Variants in CFAP61 observed in about 807,000 individuals in gnomAD.
The protein encoded by CFAP61 is cilia- and flagella-associated protein 61.
A neutral mutation model predicts 135.6 loss-of-function variants in CFAP61; 107 were observed. That is an observed-to-expected ratio of 0.79 (90% CI 0.67 to 0.93). The LOEUF (loss-of-function observed/expected upper bound fraction) is 0.93. Among genes scored for constraint, CFAP61 ranks in the 40% least tolerant of loss-of-function variants. The pLI is 0.00. For synonymous variants in CFAP61, 575 were observed against 578.5 expected (o/e 0.99, Z 0.09); for missense variants, 1,507 against 1,556.2 (o/e 0.97, Z 0.53).
intron 2 of CFAP61, among the ~76,000 whole-genome samples, chr20:20,064,813 C>T (rs2045115127): frequency 6.6e-6 from 1 of 152,066 alleles, no homozygotes; most frequent in African/African-American, 2.4e-5. Flanking sequence ...CCACCCCCGT[C>T]AAAATCCTAA....
intron 1 of CFAP61, among the ~76,000 whole-genome samples, 191 bp from the exon 2 acceptor site, chr20:20,056,427 C>G (rs1568787223): frequency 6.6e-6 from 1 of 152,206 alleles, no homozygotes; most frequent in Non-Finnish European, 1.5e-5. Context: ...CAGGCCAGTT[C>G]TCAGAAACTT....
chr20:20,166,906 A>C (rs540589841), intron 12 of CFAP61, among the ~76,000 whole-genome samples: 54 of 152,302 alleles, frequency 3.5e-4, no homozygotes, highest in African/African-American at 1.3e-3. Flanking sequence ...CTCAACCCAC[A>C]TTGATGAATG....
At position 20,053,685 on chromosome 20, in the gene CFAP61, A is replaced by G. The variant is rs6046574; in HGVS notation, c.-37+1094A>G. Among the ~76,000 whole-genome samples, 330 of 152,146 alleles carry G rather than the reference A, an allele frequency of 2.2e-3. 1 individual carries two copies. The highest frequency in any genetic ancestry group is 7.6e-3 in the African/African-American group (315 of 41,584). ...CTGCAGTCAGTTATAACCAACATCAATGTATTTGCCATAACTCTTTATTAA... is the reference window on the plus strand; with the variant it reads ...CTGCAGTCAGTTATAACCAACATCAGTGTATTTGCCATAACTCTTTATTAA... On this transcript the variant is annotated intron_variant, in intron 1 of 26. Transcript: ENST00000245957.
intron 17 of CFAP61, among the ~76,000 whole-genome samples, chr20:20,208,947 G>A (rs1030671339): frequency 1.1e-4 from 16 of 152,294 alleles, no homozygotes; most frequent in African/African-American, 3.6e-4. Context: ...GGGTGGGGGG[G>A]CATGGGACTC....
intron 25 of CFAP61, among the ~76,000 whole-genome samples, chr20:20,339,609 A>C (rs2058361388): frequency 6.6e-6 from 1 of 152,022 alleles, no homozygotes; most frequent in Non-Finnish European, 1.5e-5. Context: ...AGCTGGGACC[A>C]CAGGCATATG....
chr20:20,099,777 T>A (rs1244574924), intron 8 of CFAP61, among the ~76,000 whole-genome samples: 1 of 152,174 alleles, frequency 6.6e-6, no homozygotes, highest in Non-Finnish European at 1.5e-5. Context: ...TACACCAAGA[T>A]TGTTCAGAAA....
At chr20:20,140,509 A>G (rs1215024589) in intron 8 of CFAP61, among the ~76,000 whole-genome samples, 4 of 152,058 alleles carry the variant, frequency 2.6e-5, no homozygotes, top group Admixed American at 2.6e-4. Context: ...CCATGTCCCT[A>G]CAAAGGACAT....
chr20:20,102,217 A>G (rs1476246690), intron 8 of CFAP61, among the ~76,000 whole-genome samples: 1 of 152,224 alleles, frequency 6.6e-6, no homozygotes, highest in African/African-American at 2.4e-5. Flanking sequence ...TGACTCCCAA[A>G]TAAATGGTTG....
rs371892338 is a variant in CFAP61, at chr20:20,056,646, G to T, written c.-8G>T. 6 of 1,613,660 alleles carry T rather than the reference G, an allele frequency of 3.7e-6. No homozygotes were observed. Among genetic ancestry groups the T allele is most frequent in the Non-Finnish European group, 4.2e-6 (5 of 1,179,856 alleles). ...ACTTTTTTCTCTCTTTTGGGGACAG[G>T]ATAAAAAATGTCAGTACTCACTTCT... On this transcript the variant is annotated 5_prime_UTR_variant, in exon 2 of 27. Transcript: ENST00000245957.
In CFAP61 at chr20:20,072,726, G is replaced by T. The variant is rs185445112; in HGVS notation, c.295-1576G>T. On this transcript the variant is annotated intron_variant, in intron 3 of 26. Transcript: ENST00000245957. The stretch of plus-strand genomic sequence containing the variant: ...CACCAGCCTTATGTAACTAACGAGC[G>T]CTTGAAATGTAGCTAGTCTGAATTG... Among the ~76,000 whole-genome samples the T allele has an allele frequency of 2.9e-4, 44 of 152,188 alleles. No homozygotes were observed. In the East Asian group the frequency reaches 8.1e-3, roughly 28 times the overall value.
At chr20:20,186,654 C>A (rs1010398905) in intron 13 of CFAP61, among the ~76,000 whole-genome samples, 1 of 152,150 alleles carries the variant, frequency 6.6e-6, no homozygotes, top group Non-Finnish European at 1.5e-5. Context: ...TGCTCATAAA[C>A]ATTAAGATGG....
intron 6 of CFAP61, among the ~76,000 whole-genome samples, chr20:20,077,553 C>A (rs2046139145): frequency 6.6e-6 from 1 of 152,220 alleles, no homozygotes; most frequent in Non-Finnish European, 1.5e-5. Flanking sequence ...GGCTTTGACA[C>A]AGCCCCAGGA....
chr20:20,321,686 A>C (rs1351099875), intron 25 of CFAP61, among the ~76,000 whole-genome samples: 1 of 152,164 alleles, frequency 6.6e-6, no homozygotes, highest in Non-Finnish European at 1.5e-5. Flanking sequence ...TGCAAGCCCC[A>C]AAACCCATAG....
intron 26 of CFAP61, among the ~76,000 whole-genome samples, chr20:20,342,386 G>T (rs1426839095): frequency 1.3e-5 from 2 of 152,192 alleles, no homozygotes; most frequent in Non-Finnish European, 2.9e-5. Flanking sequence ...AAATACTACA[G>T]AATTAACTGG....
intron 6 of CFAP61, among the ~76,000 whole-genome samples, chr20:20,083,021 A>G (rs1280555049): frequency 6.6e-6 from 1 of 152,218 alleles, no homozygotes; most frequent in Admixed American, 6.5e-5. Flanking sequence ...AAGTTATTAT[A>G]TGAAAAAGAT....
At chr20:20,164,574 A>G (rs6046677) in intron 11 of CFAP61, among the ~76,000 whole-genome samples, 31,319 of 152,114 alleles carry the variant, frequency 0.21, 3,622 homozygotes, top group African/African-American at 0.3. Flanking sequence ...TTTGGTTGCA[A>G]GTAACAGGAA....
At chr20:20,068,676 C>A (rs138125270) in intron 2 of CFAP61, among the ~76,000 whole-genome samples, 5 of 152,242 alleles carry the variant, frequency 3.3e-5, no homozygotes, top group Non-Finnish European at 7.4e-5. Flanking sequence ...TCCGGTGGTA[C>A]CCAGGGGGAT....
In CFAP61 at chr20:20,075,523, G is replaced by A; in HGVS notation, c.474G>A (p.Gly158=). 2 of 1,614,064 alleles carry A rather than the reference G, an allele frequency of 1.2e-6. No individual in the cohort carries two copies. The highest frequency in any genetic ancestry group is 1.7e-6 in the Non-Finnish European group (2 of 1,179,952). Residue 158 remains glycine (G), a synonymous_variant, in exon 6 of 27, where the codon GGG becomes GGA. Coordinates refer to ENST00000245957, the MANE Select transcript of CFAP61 (RefSeq NM_015585.4). Reference sequence around the variant, plus strand: ...TCATAACTGTTTTTGACCAAGTGGGGAACATCCCGTGTCTGACGTATGAGG... The same window carrying A: ...TCATAACTGTTTTTGACCAAGTGGGAAACATCCCGTGTCTGACGTATGAGG... ...STLITVFDQV[G]NIPCLTYEED...
intron 8 of CFAP61, among the ~76,000 whole-genome samples, chr20:20,112,276 A>G (rs2048851306): frequency 6.6e-6 from 1 of 152,160 alleles, no homozygotes; most frequent in Non-Finnish European, 1.5e-5. Flanking sequence ...ACCAGCACAC[A>G]TCATAGCGTG....
Sources: allele counts gnomAD v4.1 joint callset (sites outside exome capture counted in the v4.1 genomes callset), GRCh38; gene constraint gnomAD v4.1.1; transcripts MANE v1.5; gene names NCBI Gene and HGNC (gene_info 2026-07-23, HGNC 2026-07-21).